The following FAM81A variants were observed in gnomAD, a reference collection of about 807,000 sequenced individuals.
FAM81A encodes protein FAM81A.
Under a neutral mutation model 46.7 loss-of-function variants are expected in FAM81A, and 19 were observed. The ratio of observed to expected loss-of-function variants is 0.41; its 90% CI spans 0.28 to 0.60. FAM81A has a LOEUF of 0.60. Ranked by LOEUF, FAM81A falls within the 20% of genes least tolerant of loss-of-function variation. The probability of loss-of-function intolerance (pLI) is 0.34; values close to 1 mark genes in which losing one functional copy is unlikely to be tolerated. For missense variants in FAM81A, 377 were observed against 453.5 expected, an observed-to-expected ratio of 0.83 and a Z score of 1.53; for synonymous variants, 183 against 152.9, an observed-to-expected ratio of 1.20 and a Z score of -1.45.
upstream of FAM81A, among the ~76,000 whole-genome samples, chr15:59,433,596 C>T (rs1325304239): frequency 6.6e-6 from 1 of 151,966 alleles, no homozygotes; most frequent in East Asian, 1.9e-4. Flanking sequence ...AACAACAGAG[C>T]CAATTGTAGT....
At chr15:59,482,417 C>T (rs1219034307) in intron 3 of FAM81A, among the ~76,000 whole-genome samples, 4 of 151,980 alleles carry the variant, frequency 2.6e-5, no homozygotes, top group South Asian at 2.1e-4. Context: ...TACAGGTGCC[C>T]GCCACCATGC....
chr15:59,486,094 G>A (rs1388545272), intron 3 of FAM81A, among the ~76,000 whole-genome samples: 1 of 152,176 alleles, frequency 6.6e-6, no homozygotes, highest in Admixed American at 6.5e-5. Context: ...CAGGAGAATC[G>A]CTTGAACCCA....
chr15:59,443,762 A>G (rs2081325969), intron 1 of FAM81A, among the ~76,000 whole-genome samples: 1 of 152,062 alleles, frequency 6.6e-6, no homozygotes, highest in South Asian at 2.1e-4. Flanking sequence ...GTCTCCCTCC[A>G]TTCGTCCTTT....
In FAM81A at chr15:59,483,657, C is replaced by T. The variant is rs186163378; in HGVS notation, c.295-8614C>T. 1.3e-4 allele frequency among the ~76,000 whole-genome samples: 20 copies of T among 152,180 alleles called. 1 individual carries two copies. The highest frequency in any genetic ancestry group is 1.1e-3 in the Admixed American group (17 of 15,294). On this transcript the variant is annotated intron_variant, in intron 3 of 8. Transcript: ENST00000288228. The stretch of plus-strand genomic sequence containing the variant: ...AGAAATAAGTAGTAACAAGCAGATA[C>T]CCAGGAATGTAATCTCAAGAAACCC...
chr15:59,447,402 G>A (rs1380310962), intron 1 of FAM81A, among the ~76,000 whole-genome samples: 1 of 152,208 alleles, frequency 6.6e-6, no homozygotes, highest in Non-Finnish European at 1.5e-5. Flanking sequence ...GTTCCTCAAT[G>A]TGCTAGCCCA....
At chr15:59,459,680 C>T (rs2081527158) in intron 2 of FAM81A, among the ~76,000 whole-genome samples, 1 of 152,040 alleles carries the variant, frequency 6.6e-6, no homozygotes, top group Admixed American at 6.6e-5. Context: ...TCTCGGTGTA[C>T]CCAACTCTGC....
intron 3 of FAM81A, among the ~76,000 whole-genome samples, chr15:59,481,874 C>A (rs1226101658): frequency 6.6e-6 from 1 of 151,328 alleles, no homozygotes; most frequent in African/African-American, 2.4e-5. Context: ...GATGCTGAAA[C>A]CTTTTTGATT....
Position 59,507,213 on chromosome 15 carries a change from A to T in FAM81A, c.414A>T (p.Arg138Ser). ...GLGDLRGRVA[R>S]CDASIARLSA... Reference sequence around the variant, plus strand: ...TCAGCTTTGTTCTTTGTCTGGACAGATGTGATGCCAGCATAGCTAGACTTT... The same window carrying T: ...TCAGCTTTGTTCTTTGTCTGGACAGTTGTGATGCCAGCATAGCTAGACTTT... Residue 138 changes from arginine to serine, a missense_variant and splice_region_variant, in exon 5 of 9, where the codon AGA becomes AGT. Arg to Ser is a moderately radical substitution (Grantham distance 110). Transcript: ENST00000288228. 1 of 1,609,710 alleles carries T rather than the reference A, an allele frequency of 6.2e-7. No homozygotes were observed. Among genetic ancestry groups the T allele is most frequent in the Non-Finnish European group, 8.5e-7 (1 of 1,177,918 alleles).
At chr15:59,427,026 A>C (rs1365950318) in intron 2 of FAM81A, among the ~76,000 whole-genome samples, 1 of 152,236 alleles carries the variant, frequency 6.6e-6, no homozygotes, top group South Asian at 2.1e-4. Flanking sequence ...GATCAAACAT[A>C]TCAGACAATC....
intron 3 of FAM81A, among the ~76,000 whole-genome samples, chr15:59,476,241 T>A (rs1351516275): frequency 1.3e-5 from 2 of 151,782 alleles, no homozygotes; most frequent in African/African-American, 4.8e-5. Flanking sequence ...TTTTTTTTTT[T>A]AGACTGGGTC....
intron 8 of FAM81A, among the ~76,000 whole-genome samples, chr15:59,518,612 C>T (rs958341810): frequency 2.7e-4 from 41 of 152,038 alleles, no homozygotes; most frequent in African/African-American, 8.9e-4. Context: ...AGGTGTGAGC[C>T]GCTGCCTGGT....
chr15:59,483,294 C>T (rs2081877376), intron 3 of FAM81A, among the ~76,000 whole-genome samples: 1 of 152,104 alleles, frequency 6.6e-6, no homozygotes, highest in South Asian at 2.1e-4. Flanking sequence ...GCCTCGGCCT[C>T]CCAAAGTGCT....
intron 1 of FAM81A, among the ~76,000 whole-genome samples, chr15:59,454,202 A>G (rs941766096): frequency 2.0e-5 from 3 of 152,216 alleles, no homozygotes; most frequent in African/African-American, 7.2e-5. Flanking sequence ...CACTTTATTC[A>G]TAAATGCTTT....
At chr15:59,427,902 T>A (rs886513510) in intron 2 of FAM81A, among the ~76,000 whole-genome samples, 3 of 152,268 alleles carry the variant, frequency 2.0e-5, no homozygotes, top group African/African-American at 7.2e-5. Context: ...ACTGATTTCC[T>A]TTCTTTTGGG....
At chr15:59,447,974 G>A (rs1289995667) in intron 1 of FAM81A, among the ~76,000 whole-genome samples, 1 of 152,150 alleles carries the variant, frequency 6.6e-6, no homozygotes, top group East Asian at 1.9e-4. Context: ...ATCTTTGCTG[G>A]CCCATGGTCA....
intron 1 of FAM81A, among the ~76,000 whole-genome samples, chr15:59,455,111 G>T (rs113839352): frequency 0.016 from 2,351 of 149,944 alleles, 70 homozygotes; most frequent in African/African-American, 0.055. Flanking sequence ...ATATTGCCCA[G>T]GCTGGTCTCA....
intron 4 of FAM81A, among the ~76,000 whole-genome samples, chr15:59,506,689 C>G (rs2082153040): frequency 6.6e-6 from 1 of 152,228 alleles, no homozygotes; most frequent in African/African-American, 2.4e-5. Flanking sequence ...TTGGATCTGC[C>G]AAGTTGCAAG....
intron 3 of FAM81A, among the ~76,000 whole-genome samples, chr15:59,474,243 A>C (rs2081737150): frequency 6.6e-6 from 1 of 152,206 alleles, no homozygotes. Context: ...TTGGAGCAAA[A>C]TGCGGTGAAT....
upstream of FAM81A, among the ~76,000 whole-genome samples, chr15:59,433,315 A>C (rs1485037820): frequency 6.7e-6 from 1 of 148,684 alleles, no homozygotes; most frequent in Non-Finnish European, 1.5e-5. Context: ...TTCACTCTTG[A>C]AAGTGTTATG....
Sources: gnomAD v4.1 joint callset for allele counts (sites outside exome capture counted in the v4.1 genomes callset) on GRCh38, gnomAD v4.1.1 for gene constraint, MANE v1.5 for transcripts, NCBI Gene and HGNC (gene_info 2026-07-23, HGNC 2026-07-21) for gene names.